The following KDM2B variants were observed in gnomAD, a reference collection of about 807,000 sequenced individuals.
KDM2B encodes lysine demethylase 2B.
A neutral mutation model predicts 150.0 loss-of-function variants in KDM2B; 26 were observed. The observed-to-expected ratio is 0.17, with a 90% CI of 0.13 to 0.24. KDM2B has a LOEUF of 0.24. Ranked by LOEUF, KDM2B falls within the 10% of genes least tolerant of loss-of-function variation. KDM2B has a pLI of 1.00. For synonymous variants in KDM2B, 734 were observed against 729.5 expected, an observed-to-expected ratio of 1.01 and a Z score of -0.10; for missense variants, 1,265 against 1,816.9, an observed-to-expected ratio of 0.70 and a Z score of 5.52.
the KDM2B span, chr12:121,418,414 G>GT: frequency 1.3e-5 from 2 of 154,552 alleles, no homozygotes; most frequent in African/African-American, 4.8e-5. Flanking sequence ...TATTGTCCCA[G>GT]TGAGGTCCTT....
intron 13 of KDM2B, among the ~76,000 whole-genome samples, chr12:121,450,997 C>T (rs910770076): frequency 1.3e-5 from 2 of 152,174 alleles, no homozygotes; most frequent in Non-Finnish European, 2.9e-5. Context: ...AGCAAGCCCA[C>T]TTCTGGGCAT....
chr12:121,560,357 A>C lies in KDM2B; in HGVS notation c.398-10719T>G, dbSNP rs149384505. 1.0e-3 allele frequency among the ~76,000 whole-genome samples: 154 copies of C among 152,280 alleles called. No individual in the cohort carries two copies. The East Asian group carries it at 0.026, about 25-fold the overall frequency. On this transcript the variant is annotated intron_variant, in intron 4 of 22. Transcript: ENST00000377071. ...TGCCTTGTGTGTAAAGGCAGGAAGA[A>C]ACTGACTTTATACTTTTTCTTTCCT...
At chr12:121,443,343 C>T in intron 17 of KDM2B, 1 of 578,658 alleles carries the variant, frequency 1.7e-6, no homozygotes, top group Non-Finnish European at 3.1e-6. Context: ...GAGCACAGCC[C>T]TGTGGGAATC....
At position 121,445,412 on chromosome 12, in the gene KDM2B, G is replaced by A. The variant is rs781973938; in HGVS notation, c.1966C>T (p.Leu656=). The A allele has an allele frequency of 1.3e-6, 2 of 1,597,742 alleles. No homozygotes were observed. Among genetic ancestry groups the A allele is most frequent in the South Asian group, 2.2e-5 (2 of 89,142 alleles). The part of the protein sequence containing the change: ...CIMRQCIAPV[L]PHTAVCLVCG... ...ACAAGGCACACGGCGGTGTGGGGCA[G>A]CACTGGCTGAGGAGCCAGGGAGAAC... Residue 656 remains leucine (L), a synonymous_variant, in exon 14 of 23, where the codon CTG becomes TTG. Transcript: ENST00000377071.
At chr12:121,508,705 T>TA (rs1885312009) in intron 11 of KDM2B, among the ~76,000 whole-genome samples, 1 of 152,160 alleles carries the variant, frequency 6.6e-6, no homozygotes, top group South Asian at 2.1e-4. Context: ...ACCATCCACT[T>TA]ACTGTGTGAC....
Position 121,578,752 on chromosome 12 carries a change from G to T in KDM2B, c.271+50C>A, listed in dbSNP as rs782814621. 33 of 1,175,254 alleles carry T rather than the reference G, an allele frequency of 2.8e-5. No homozygotes were observed. In the South Asian group the frequency reaches 5.2e-4, roughly 19 times the overall value. The allele number at this position is 1,175,254 out of a possible 1,614,324, so 72.8% of individuals were successfully genotyped here. A position where few individuals can be genotyped will look rare whatever the true frequency, so the allele number is the denominator to read the frequency against. On this transcript the variant is annotated intron_variant, in intron 2 of 22. Coordinates refer to ENST00000377071, the MANE Select transcript of KDM2B (RefSeq NM_032590.5). ...CAGCCACCGGCAGCTCCCTCCCCAC[G>T]TGCGCTCGGCCCGCAGCGCAGAGGG...
In KDM2B at chr12:121,535,960, C is replaced by A. The variant is rs1046149192; in HGVS notation, c.684-1370G>T. The A allele has an allele frequency of 8.0e-5, 60 of 754,080 alleles. 1 individual carries two copies. In the African/African-American group the frequency reaches 9.7e-4, roughly 12 times the overall value. The allele number at this position is 754,080 out of a possible 1,614,324, so 46.7% of individuals were successfully genotyped here. On this transcript the variant is annotated intron_variant, in intron 6 of 22. Transcript: ENST00000377071. The stretch of plus-strand genomic sequence containing the variant: ...TGGCACGGATGGGCAGCCTCCCCAC[C>A]GCTCACGCCCATGCACCTTGGCACC...
At chr12:121,542,387 C>T (rs1361411879) in intron 6 of KDM2B, among the ~76,000 whole-genome samples, 1 of 152,202 alleles carries the variant, frequency 6.6e-6, no homozygotes, top group East Asian at 1.9e-4. Flanking sequence ...TCAAGCACTC[C>T]ACCCCCCTTG....
At chr12:121,516,569 C>G in intron 9 of KDM2B, 1 of 1,422,042 alleles carries the variant, frequency 7.0e-7, no homozygotes, top group Non-Finnish European at 9.3e-7. Flanking sequence ...TTGACAGACT[C>G]GGAGCCTCAC....
chr12:121,569,436 G>A (rs1296423655), intron 4 of KDM2B, among the ~76,000 whole-genome samples: 1 of 152,168 alleles, frequency 6.6e-6, no homozygotes, highest in Non-Finnish European at 1.5e-5. Flanking sequence ...AGCAGAAAGA[G>A]GGAGTCGAAG....
chr12:121,464,941 G>A (rs1300011741), intron 12 of KDM2B, among the ~76,000 whole-genome samples: 1 of 152,200 alleles, frequency 6.6e-6, no homozygotes, highest in African/African-American at 2.4e-5. Flanking sequence ...GAAAACTGTT[G>A]AGGAAAGCAT....
At chr12:121,480,670 C>CTGAGG (rs1555297697) in intron 12 of KDM2B, among the ~76,000 whole-genome samples, 1 of 149,908 alleles carries the variant, frequency 6.7e-6, no homozygotes, top group Non-Finnish European at 1.5e-5. Flanking sequence ...ACTCAGGAGG[C>CTGAGG]TGAGGTGAGA....
rs373749425 is a variant in KDM2B, at chr12:121,537,713, G to C, written c.684-3123C>G. On this transcript the variant is annotated intron_variant, in intron 6 of 22. Transcript: ENST00000377071. The surrounding 1 kb of genome is among the most constrained non-coding windows in gnomAD (Gnocchi z 8.7). ...GAGGCGTCCCCGTGGGGAAAGGGCC[G>C]GGAGGGGCGCCGGAACGCTGACACC... 1 of 152,082 alleles carries C rather than the reference G, an allele frequency of 6.6e-6. No homozygotes were observed. The highest frequency in any genetic ancestry group is 2.1e-4 in the South Asian group (1 of 4,834). 9.4% of individuals were successfully genotyped at this position (152,082 alleles called of 1,614,324 possible). A position where few individuals can be genotyped will look rare whatever the true frequency, so the allele number is the denominator to read the frequency against.
chr12:121,565,321 T>C (rs1890622420), intron 4 of KDM2B, among the ~76,000 whole-genome samples: 1 of 151,978 alleles, frequency 6.6e-6, no homozygotes, highest in Non-Finnish European at 1.5e-5. Flanking sequence ...AAAGGACTTT[T>C]TTTTTTTTTT....
intron 8 of KDM2B, among the ~76,000 whole-genome samples, chr12:121,523,178 C>T (rs953041132): frequency 7.9e-5 from 12 of 152,274 alleles, no homozygotes; most frequent in Non-Finnish European, 1.6e-4. Flanking sequence ...ACAGCGGCTC[C>T]GTTTTTAGCC....
the KDM2B span, among the ~76,000 whole-genome samples, chr12:121,411,285 T>C: frequency 2.0e-5 from 3 of 152,292 alleles, no homozygotes; most frequent in East Asian, 5.8e-4. Flanking sequence ...CTTCATTTTC[T>C]TTCTGGGGAA....
At chr12:121,553,163 C>G (rs1409566215) in intron 4 of KDM2B, among the ~76,000 whole-genome samples, 2 of 151,204 alleles carry the variant, frequency 1.3e-5, no homozygotes, top group Middle Eastern at 3.2e-3. Flanking sequence ...ACCCGGGAGG[C>G]GGGGTTGCAG....
intron 10 of KDM2B, among the ~76,000 whole-genome samples, chr12:121,512,718 C>CG (rs1252711704): frequency 6.6e-6 from 1 of 152,050 alleles, no homozygotes; most frequent in Middle Eastern, 3.4e-3. Context: ...GAGCCGTGTT[C>CG]GGGGGGGATG....
chr12:121,431,575 A>G (rs1177058010), intron 22 of KDM2B, among the ~76,000 whole-genome samples: 6 of 152,200 alleles, frequency 3.9e-5, no homozygotes, highest in East Asian at 1.9e-4. Context: ...CATCTGTGCT[A>G]TCTACATGTT....
Sources: gnomAD v4.1 joint callset for allele counts (sites outside exome capture counted in the v4.1 genomes callset) on GRCh38, gnomAD v4.1.1 for gene constraint, Gnocchi (gnomAD v3.1) non-coding constraint, MANE v1.5 for transcripts, NCBI Gene and HGNC (gene_info 2026-07-23, HGNC 2026-07-21) for gene names.